PPP2R3A: variants seen among roughly 807,000 people sequenced by gnomAD.
PPP2R3A encodes protein phosphatase 2 regulatory subunit B''alpha, also known as serine/threonine-protein phosphatase 2A regulatory subunit B'' subunit alpha.
In PPP2R3A, 80 loss-of-function variants were observed where a neutral mutation model predicts 106.9. The observed-to-expected ratio is 0.75, with a 90% CI of 0.62 to 0.90. The LOEUF is 0.90. Among genes scored for constraint, PPP2R3A ranks in the 40% least tolerant of loss-of-function variants. PPP2R3A has a pLI of 0.00. For missense variants in PPP2R3A, 1,386 were observed against 1,350.4 expected, an observed-to-expected ratio of 1.03 and a Z score of -0.41; for synonymous variants, 483 against 468.3, an observed-to-expected ratio of 1.03 and a Z score of -0.41.
intron 13 of PPP2R3A, among the ~76,000 whole-genome samples, chr3:136,142,009 C>G (rs912097397): frequency 6.6e-6 from 1 of 152,092 alleles, no homozygotes; most frequent in Non-Finnish European, 1.5e-5. Flanking sequence ...TGCTGCTGTT[C>G]TGAAAGAGCC....
chr3:136,028,053 A>C (rs1178765367), intron 3 of PPP2R3A, among the ~76,000 whole-genome samples: 1 of 152,116 alleles, frequency 6.6e-6, no homozygotes, highest in Non-Finnish European at 1.5e-5. Flanking sequence ...GTTTCTTTCC[A>C]AACTTGCCTA....
chr3:136,037,770 T>A (rs2107840634), intron 3 of PPP2R3A, among the ~76,000 whole-genome samples: 1 of 152,316 alleles, frequency 6.6e-6, no homozygotes. Flanking sequence ...TTGCTTTGGA[T>A]TATTTGTTTT....
intron 4 of PPP2R3A, among the ~76,000 whole-genome samples, chr3:136,046,211 G>T (rs1385309317): frequency 6.6e-6 from 1 of 152,156 alleles, no homozygotes; most frequent in Non-Finnish European, 1.5e-5. Context: ...CAGCACGTTG[G>T]GAGGCCGAGG....
At chr3:136,081,218 C>T (rs1559908742) in intron 7 of PPP2R3A, among the ~76,000 whole-genome samples, 2 of 152,106 alleles carry the variant, frequency 1.3e-5, no homozygotes, top group Non-Finnish European at 2.9e-5. Context: ...GTCTTGAACT[C>T]CTGACCTCAT....
intron 4 of PPP2R3A, among the ~76,000 whole-genome samples, chr3:136,048,582 G>A (rs898766253): frequency 3.3e-5 from 5 of 151,772 alleles, no homozygotes; most frequent in Admixed American, 2.6e-4. Flanking sequence ...TGAGGCAGGA[G>A]AATTGGTTGA....
chr3:136,006,470 T>C (rs184797481), intron 2 of PPP2R3A, among the ~76,000 whole-genome samples: 1 of 152,316 alleles, frequency 6.6e-6, no homozygotes, highest in East Asian at 1.9e-4. Context: ...TTTTAGGCTT[T>C]ATGGGTCAGA....
chr3:136,002,440 G>A lies in PPP2R3A; in HGVS notation c.942G>A (p.Met314Ile), dbSNP rs1933666119. The change falls in exon 2 of 14, where the codon ATG becomes ATA. Residue 314 changes from methionine (M) to isoleucine (I), a missense_variant. Physicochemically the swap from Met to Ile is conservative, Grantham distance 10. Coordinates refer to ENST00000264977, the MANE Select transcript of PPP2R3A (RefSeq NM_002718.5). ...ATTTAACAGAACTGATCAGTAATAT[G>A]CCTAGCTTACAACTGACTCCCTTCT... ...ALDLTELISN[M>I]PSLQLTPFSP... 2 of 1,613,922 alleles carry A rather than the reference G, an allele frequency of 1.2e-6. No homozygotes were observed. The highest frequency in any genetic ancestry group is 2.2e-5 in the East Asian group (1 of 44,874).
intron 2 of PPP2R3A, among the ~76,000 whole-genome samples, chr3:136,024,702 G>T (rs1934585818): frequency 6.6e-6 from 1 of 152,070 alleles, no homozygotes; most frequent in Admixed American, 6.6e-5. Flanking sequence ...TTAATTCTAT[G>T]GGCATAACTG....
chr3:135,978,482 AT>A (rs368778585), intron 1 of PPP2R3A, among the ~76,000 whole-genome samples: 3,777 of 147,202 alleles, frequency 0.026, 256 homozygotes, highest in African/African-American at 0.087. Context: ...GGACAACTGG[AT>A]TTTTTTTTTT....
At chr3:136,033,143 T>C (rs1235032636) in intron 3 of PPP2R3A, among the ~76,000 whole-genome samples, 1 of 152,250 alleles carries the variant, frequency 6.6e-6, no homozygotes, top group Non-Finnish European at 1.5e-5. Context: ...TCATGTGATT[T>C]TGGTTTTTAA....
chr3:136,083,704 GTT>G (rs1035528469), intron 8 of PPP2R3A, among the ~76,000 whole-genome samples: 1 of 152,246 alleles, frequency 6.6e-6, no homozygotes, highest in African/African-American at 2.4e-5. Flanking sequence ...ATGTGGGAAA[GTT>G]TGGAACTTCC....
chr3:136,060,098 A>G (rs912138163), intron 5 of PPP2R3A, among the ~76,000 whole-genome samples: 15 of 152,214 alleles, frequency 9.9e-5, no homozygotes, highest in African/African-American at 3.6e-4. Context: ...AAGTTTACCT[A>G]TGTAACAAGT....
intron 1 of PPP2R3A, among the ~76,000 whole-genome samples, chr3:135,988,190 T>C (rs1933005467): frequency 6.6e-6 from 1 of 152,046 alleles, no homozygotes; most frequent in African/African-American, 2.4e-5. Flanking sequence ...AACAAATCTT[T>C]TCTTTCTGCA....
chr3:136,070,287 G>A (rs1167104477), intron 5 of PPP2R3A, among the ~76,000 whole-genome samples, 191 bp from the exon 6 acceptor site: 4 of 152,162 alleles, frequency 2.6e-5, no homozygotes, highest in Non-Finnish European at 5.9e-5. Flanking sequence ...GAAGTATGCT[G>A]TGTATACAGA....
At chr3:136,097,374 T>C (rs373396000) in intron 10 of PPP2R3A, among the ~76,000 whole-genome samples, 7 of 152,250 alleles carry the variant, frequency 4.6e-5, no homozygotes, top group East Asian at 1.9e-4. Flanking sequence ...CTTTCGTTCA[T>C]TGATCCTTAT....
Position 135,995,382 on chromosome 3 carries a change from A to G in PPP2R3A, c.-440-5677A>G, listed in dbSNP as rs1299734242. Among the ~76,000 whole-genome samples, 3 of 151,552 alleles carry G rather than the reference A, an allele frequency of 2.0e-5. No homozygotes were observed. The East Asian group carries it at 5.8e-4, about 29-fold the overall frequency. On this transcript the variant is annotated intron_variant, in intron 1 of 13. Transcript: ENST00000264977. ...AAGAAAAAACTCTATTGATTATGAT[A>G]GAGTGCTTATCCTCTAGAACTTTTT... is the stretch of plus-strand genomic sequence containing the variant.
chr3:136,078,338 A>C, intron 6 of PPP2R3A, 29 bp from the exon 7 acceptor site: 7 of 1,453,764 alleles, frequency 4.8e-6, no homozygotes, highest in Non-Finnish European at 6.7e-6. Flanking sequence ...TAATGTTTTT[A>C]TTTGGTTTTA....
chr3:135,999,871 T>C (rs1933553022), intron 1 of PPP2R3A, among the ~76,000 whole-genome samples: 1 of 152,116 alleles, frequency 6.6e-6, no homozygotes, highest in South Asian at 2.1e-4. Context: ...CCTCCCGGGT[T>C]CAAGACATTC....
chr3:136,058,400 G>A (rs763701201), intron 5 of PPP2R3A, among the ~76,000 whole-genome samples: 9 of 152,174 alleles, frequency 5.9e-5, no homozygotes, highest in Admixed American at 1.3e-4. Context: ...AATCAGGAAT[G>A]AACTCCCATT....
Sources: gnomAD v4.1 joint callset for allele counts (sites outside exome capture counted in the v4.1 genomes callset) on GRCh38, gnomAD v4.1.1 for gene constraint, MANE v1.5 for transcripts, NCBI Gene and HGNC (gene_info 2026-07-23, HGNC 2026-07-21) for gene names.